The following GOLGA5 variants were observed in gnomAD, a reference collection of about 807,000 sequenced individuals.
The protein encoded by GOLGA5 is golgin subfamily A member 5.
Under a neutral mutation model 93.5 loss-of-function variants are expected in GOLGA5, and 50 were observed. The ratio of observed to expected loss-of-function variants is 0.53; its 90% CI spans 0.43 to 0.68. GOLGA5 has a LOEUF of 0.68. Among genes scored for constraint, GOLGA5 ranks in the 30% least tolerant of loss-of-function variants. The probability of loss-of-function intolerance (pLI) is 0.00; values close to 1 mark genes in which losing one functional copy is unlikely to be tolerated. For missense variants in GOLGA5, 760 were observed against 856.4 expected, an observed-to-expected ratio of 0.89 and a Z score of 1.40; for synonymous variants, 312 against 304.5, an observed-to-expected ratio of 1.02 and a Z score of -0.26.
intron 8 of GOLGA5, 29 bp from the exon 9 acceptor site, chr14:92,824,517 T>C (rs1248510988): frequency 2.5e-6 from 3 of 1,203,408 alleles, no homozygotes; most frequent in Non-Finnish European, 3.7e-6. Context: ...CTTATTTCGC[T>C]TCTGTTTTGT....
chr14:92,809,278 A>T, intron 3 of GOLGA5, 22 bp from the exon 4 acceptor site: 1 of 1,522,092 alleles, frequency 6.6e-7, no homozygotes, highest in Non-Finnish European at 9.1e-7. Flanking sequence ...GCTTGTATAG[A>T]GAAATTTAAA....
At chr14:92,795,232 C>T (rs960495724) in intron 1 of GOLGA5, among the ~76,000 whole-genome samples, 3 of 152,186 alleles carry the variant, frequency 2.0e-5, no homozygotes, top group South Asian at 2.1e-4. Flanking sequence ...AGCCACAGTG[C>T]CTGGCCTGTA....
Position 92,819,716 on chromosome 14 carries a change from G to A in GOLGA5, c.1500G>A (p.Glu500=). The change falls in exon 8 of 13, where the codon GAG becomes GAA. Residue 500 remains glutamate (E), a synonymous_variant. Transcript: ENST00000163416. ...HQLRSELQDM[E]AQQVNEAESA... is the part of the protein sequence containing the mutation. ...AAGCTTTTTCTCTTTAGGATATGGA[G>A]GCACAGCAAGTTAATGAAGCAGAAT... 1.2e-6 allele frequency: 2 copies of A among 1,613,546 alleles called. No individual in the cohort carries two copies. Among genetic ancestry groups the A allele is most frequent in the Non-Finnish European group, 1.7e-6 (2 of 1,179,470 alleles).
chr14:92,816,468 G>T (rs1467511888), intron 7 of GOLGA5, 47 bp downstream of exon 7: 1 of 1,512,644 alleles, frequency 6.6e-7, no homozygotes, highest in South Asian at 1.2e-5. Flanking sequence ...TTACCCTCAG[G>T]TGTTAACAGT....
chr14:92,836,939 G>T (rs1370957893), intron 11 of GOLGA5, among the ~76,000 whole-genome samples: 1 of 151,928 alleles, frequency 6.6e-6, no homozygotes. Context: ...TGGTGGTAGT[G>T]GCGCACCTGT....
At chr14:92,825,295 CT>C (rs1885395070) in intron 9 of GOLGA5, among the ~76,000 whole-genome samples, 1 of 152,082 alleles carries the variant, frequency 6.6e-6, no homozygotes, top group African/African-American at 2.4e-5. Context: ...TAATTTTGGT[CT>C]TTTAAGTTTC....
At chr14:92,826,621 C>A (rs1885427069) in intron 9 of GOLGA5, among the ~76,000 whole-genome samples, 1 of 151,400 alleles carries the variant, frequency 6.6e-6, no homozygotes, top group South Asian at 2.1e-4. Context: ...TCACTTGAAC[C>A]CAGAAGGCAG....
rs1162213738 is a variant in GOLGA5, at chr14:92,838,412, G to C, written c.2116-954G>C. Among the ~76,000 whole-genome samples the C allele has an allele frequency of 5.3e-5, 8 of 151,896 alleles. No individual in the cohort carries two copies. In the South Asian group the frequency reaches 8.3e-4, roughly 16 times the overall value. ...AGACTGAGTCTCGCTCTGTCACCCAGGCTGGAGTGCAGTGGCATGATCTTG... is the reference window on the plus strand; with the variant it reads ...AGACTGAGTCTCGCTCTGTCACCCACGCTGGAGTGCAGTGGCATGATCTTG... On this transcript the variant is annotated intron_variant, in intron 12 of 12. Coordinates refer to ENST00000163416, the MANE Select transcript of GOLGA5 (RefSeq NM_005113.4).
Position 92,837,328 on chromosome 14 carries a change from A to T in GOLGA5, c.2052-58A>T, listed in dbSNP as rs538923027. On this transcript the variant is annotated intron_variant, in intron 11 of 12. Coordinates refer to ENST00000163416, the MANE Select transcript of GOLGA5 (RefSeq NM_005113.4). ...CATCATTAGATATTACCACAGGAAGATTTGTTTTGACTGTGACTCTTCTCT... is the reference window on the plus strand; with the variant it reads ...CATCATTAGATATTACCACAGGAAGTTTTGTTTTGACTGTGACTCTTCTCT... 3.7e-6 allele frequency: 3 copies of T among 817,074 alleles called. No homozygotes were observed. In the South Asian group the frequency reaches 4.5e-5, roughly 12 times the overall value. 50.6% of individuals were successfully genotyped at this position (817,074 alleles called of 1,614,324 possible).
At chr14:92,828,999 C>T (rs191050438) in intron 9 of GOLGA5, among the ~76,000 whole-genome samples, 1 of 152,314 alleles carries the variant, frequency 6.6e-6, no homozygotes, top group Admixed American at 6.5e-5. Context: ...AGGTCCCACT[C>T]TGTCACCCAG....
At chr14:92,834,308 C>T (rs34334684) in intron 10 of GOLGA5, among the ~76,000 whole-genome samples, 3,891 of 151,580 alleles carry the variant, frequency 0.026, 74 homozygotes, top group Non-Finnish European at 0.037. Flanking sequence ...CCCATTAACT[C>T]GTCATTTAGC....
chr14:92,804,090 AT>A (rs1187007301), intron 2 of GOLGA5, among the ~76,000 whole-genome samples: 1 of 152,160 alleles, frequency 6.6e-6, no homozygotes, highest in Admixed American at 6.5e-5. Context: ...TATACAACTC[AT>A]TAGTTTTCTT....
intron 1 of GOLGA5, among the ~76,000 whole-genome samples, chr14:92,795,567 G>A (rs2140308420): frequency 6.6e-6 from 1 of 152,262 alleles, no homozygotes; most frequent in East Asian, 1.9e-4. Context: ...TGTGATAAAA[G>A]ATACATGTGT....
At chr14:92,827,697 C>G (rs969997855) in intron 9 of GOLGA5, among the ~76,000 whole-genome samples, 1 of 152,190 alleles carries the variant, frequency 6.6e-6, no homozygotes, top group African/African-American at 2.4e-5. Context: ...AGGCCCAAAA[C>G]TAGGCCTATT....
chr14:92,813,956 G>A (rs1294930381), intron 6 of GOLGA5, among the ~76,000 whole-genome samples: 1 of 151,988 alleles, frequency 6.6e-6, no homozygotes, highest in African/African-American at 2.4e-5. Flanking sequence ...AAAGGCAAAT[G>A]GAATCCAGGA....
intron 11 of GOLGA5, among the ~76,000 whole-genome samples, chr14:92,836,499 A>G (rs1483520932): frequency 1.3e-5 from 2 of 152,188 alleles, no homozygotes; most frequent in Non-Finnish European, 2.9e-5. Flanking sequence ...GCTAGTGGCA[A>G]TGAAAGAAGC....
intron 2 of GOLGA5, among the ~76,000 whole-genome samples, chr14:92,803,606 G>A (rs772236348): frequency 6.6e-6 from 1 of 151,994 alleles, no homozygotes; most frequent in Admixed American, 6.6e-5. Flanking sequence ...GGTAAGTTAC[G>A]TTTTTTTCCC....
chr14:92,821,040 A>G (rs1885307831), intron 8 of GOLGA5, among the ~76,000 whole-genome samples: 1 of 152,214 alleles, frequency 6.6e-6, no homozygotes. Context: ...TGGTGATGGC[A>G]CTTGCCTGGT....
chr14:92,808,244 TCAACAA>T (rs534764313), intron 3 of GOLGA5, among the ~76,000 whole-genome samples: 13 of 151,478 alleles, frequency 8.6e-5, no homozygotes, highest in African/African-American at 1.5e-4. Context: ...GAGACTCGTC[TCAACAA>T]CAACAACAAC....
Sources: allele counts gnomAD v4.1 joint callset (sites outside exome capture counted in the v4.1 genomes callset), GRCh38; gene constraint gnomAD v4.1.1; transcripts MANE v1.5; gene names NCBI Gene and HGNC (gene_info 2026-07-23, HGNC 2026-07-21).